Variants in PCDH7 observed in about 807,000 individuals in gnomAD.
The protein encoded by PCDH7 is protocadherin-7.
Under a neutral mutation model 58.9 loss-of-function variants are expected in PCDH7, and 17 were observed. The observed-to-expected ratio is 0.29, with a 90% CI of 0.20 to 0.43. The LOEUF (loss-of-function observed/expected upper bound fraction) is 0.43, where lower values mean the gene tolerates loss of function less well. PCDH7 is among the 20% of genes least tolerant of loss of function. The pLI is 1.00. For missense variants in PCDH7, 1,274 were observed against 1,441.0 expected, an observed-to-expected ratio of 0.88 and a Z score of 1.88; for synonymous variants, 664 against 616.4, an observed-to-expected ratio of 1.08 and a Z score of -1.14.
chr4:30,790,420 G>A (rs1723966627), intron 1 of PCDH7, among the ~76,000 whole-genome samples: 4 of 152,148 alleles, frequency 2.6e-5, no homozygotes, highest in African/African-American at 7.2e-5. Context: ...TCAACAGGAG[G>A]GCCTCAGAGC....
chr4:31,083,708 G>T (rs995997399), intron 3 of PCDH7, among the ~76,000 whole-genome samples: 1 of 152,154 alleles, frequency 6.6e-6, no homozygotes, highest in African/African-American at 2.4e-5. Flanking sequence ...CAATATGCTC[G>T]TTTCTCAAAA....
chr4:30,898,976 A>T (rs1358681845), intron 1 of PCDH7, among the ~76,000 whole-genome samples: 2 of 151,842 alleles, frequency 1.3e-5, no homozygotes, highest in Admixed American at 6.6e-5. Flanking sequence ...AATTTAGTGG[A>T]TCTTAACCAG....
intron 2 of PCDH7, among the ~76,000 whole-genome samples, chr4:30,935,001 T>C (rs1191425400): frequency 6.6e-6 from 1 of 152,104 alleles, no homozygotes; most frequent in Non-Finnish European, 1.5e-5. Context: ...ACATATATTT[T>C]TTGGAAGTTA....
At chr4:30,827,442 C>A (rs986989512) in intron 1 of PCDH7, among the ~76,000 whole-genome samples, 3 of 152,132 alleles carry the variant, frequency 2.0e-5, no homozygotes, top group African/African-American at 7.2e-5. Context: ...AATATTCACA[C>A]ATGACTTTCA....
At chr4:30,767,041 C>CT (rs1028736053) in intron 1 of PCDH7, among the ~76,000 whole-genome samples, 6 of 149,718 alleles carry the variant, frequency 4.0e-5, no homozygotes, top group African/African-American at 7.4e-5. Flanking sequence ...ATATCTGATA[C>CT]TTTTTTTTTT....
At chr4:30,820,342 G>T (rs1038583606) in intron 1 of PCDH7, among the ~76,000 whole-genome samples, 4 of 151,992 alleles carry the variant, frequency 2.6e-5, no homozygotes, top group Non-Finnish European at 5.9e-5. Context: ...AATGAAAATA[G>T]TTCTTTTTGT....
At chr4:30,749,565 A>G (rs1718235340) in intron 1 of PCDH7, among the ~76,000 whole-genome samples, 1 of 152,166 alleles carries the variant, frequency 6.6e-6, no homozygotes, top group African/African-American at 2.4e-5. Flanking sequence ...TTCAGAATAC[A>G]TAATCTTTGA....
chr4:30,742,476 A>G (rs1003048017), intron 1 of PCDH7, among the ~76,000 whole-genome samples: 2 of 152,190 alleles, frequency 1.3e-5, no homozygotes, highest in Non-Finnish European at 2.9e-5. Flanking sequence ...CATATAATAT[A>G]GTACTTTTAC....
intron 3 of PCDH7, among the ~76,000 whole-genome samples, chr4:31,018,647 CA>C (rs1233957648): frequency 1.2e-4 from 19 of 152,082 alleles, no homozygotes; most frequent in Admixed American, 1.2e-3. Context: ...GAAATTGAGC[CA>C]AAATCTGCAA....
exon 4 of PCDH7, chr4:31,142,678 C>A: frequency 7.3e-7 from 1 of 1,367,714 alleles, no homozygotes; most frequent in Non-Finnish European, 9.8e-7. Flanking sequence ...TCATGGGTGA[C>A]CGCAACAGAA....
At chr4:31,046,586 G>T (rs937507238) in intron 3 of PCDH7, among the ~76,000 whole-genome samples, 9 of 151,792 alleles carry the variant, frequency 5.9e-5, no homozygotes, top group African/African-American at 2.2e-4. Context: ...TTATTTCTCA[G>T]ACATAGAGTT....
At chr4:30,896,412 C>T (rs879257625) in intron 1 of PCDH7, among the ~76,000 whole-genome samples, 1 of 151,934 alleles carries the variant, frequency 6.6e-6, no homozygotes, top group Non-Finnish European at 1.5e-5. Flanking sequence ...TGTTTCTACC[C>T]CCACCTTGGG....
At chr4:30,846,644 C>G (rs1364189129) in intron 1 of PCDH7, among the ~76,000 whole-genome samples, 2 of 152,022 alleles carry the variant, frequency 1.3e-5, no homozygotes, top group Non-Finnish European at 2.9e-5. Context: ...ATAGTGCCAC[C>G]CAAGTTGTGA....
chr4:31,102,158 A>C (rs1220974315), intron 3 of PCDH7, among the ~76,000 whole-genome samples: 1 of 152,150 alleles, frequency 6.6e-6, no homozygotes, highest in Non-Finnish European at 1.5e-5. Context: ...TAGTTCCCCC[A>C]AATGTAGCCA....
At chr4:30,940,264 A>T (rs1462504015) in intron 2 of PCDH7, among the ~76,000 whole-genome samples, 2 of 151,970 alleles carry the variant, frequency 1.3e-5, no homozygotes, top group Non-Finnish European at 2.9e-5. Context: ...TTTAAAAAAA[A>T]TTATCACACT....
intron 1 of PCDH7, among the ~76,000 whole-genome samples, chr4:30,849,419 G>C (rs58976542): frequency 6.6e-6 from 1 of 152,056 alleles, no homozygotes; most frequent in East Asian, 1.9e-4. Flanking sequence ...TGCCCATTTC[G>C]TGTTACTTTC....
chr4:31,090,649 T>C (rs971815067), intron 3 of PCDH7, among the ~76,000 whole-genome samples: 2 of 152,092 alleles, frequency 1.3e-5, no homozygotes, highest in Non-Finnish European at 2.9e-5. Context: ...TTCGGATATA[T>C]AATCTAAGGA....
At chr4:30,856,618 CTA>C (rs1048755875) in intron 1 of PCDH7, among the ~76,000 whole-genome samples, 4 of 150,628 alleles carry the variant, frequency 2.7e-5, no homozygotes, top group African/African-American at 9.7e-5. Flanking sequence ...TATAGGCACT[CTA>C]TTCATGCTTA....
chr4:31,086,015 T>C (rs1196970652), intron 3 of PCDH7, among the ~76,000 whole-genome samples: 2 of 152,228 alleles, frequency 1.3e-5, no homozygotes, highest in Non-Finnish European at 2.9e-5. Context: ...AGCAAAATTC[T>C]GTATTTTGTC....
Sources: allele counts gnomAD v4.1 joint callset (sites outside exome capture counted in the v4.1 genomes callset), GRCh38; gene constraint gnomAD v4.1.1; transcripts MANE v1.5; gene names NCBI Gene and HGNC (gene_info 2026-07-23, HGNC 2026-07-21).